GLRA3: variants seen among roughly 807,000 people sequenced by gnomAD.
GLRA3 encodes glycine receptor subunit alpha-3.
In GLRA3, 44 loss-of-function variants were observed where a neutral mutation model predicts 60.4. The ratio of observed to expected loss-of-function variants is 0.73; its 90% CI spans 0.57 to 0.94. The LOEUF (loss-of-function observed/expected upper bound fraction) is 0.94. Ranked by LOEUF, GLRA3 falls within the 40% of genes least tolerant of loss-of-function variation. GLRA3 has a pLI of 0.00. For synonymous variants in GLRA3, 223 were observed against 192.9 expected (o/e 1.16, Z -1.29); for missense variants, 508 against 564.6 (o/e 0.90, Z 1.02).
chr4:174,693,511 G>T (rs977930534), intron 5 of GLRA3, among the ~76,000 whole-genome samples: 2 of 151,998 alleles, frequency 1.3e-5, no homozygotes, highest in African/African-American at 4.8e-5. Flanking sequence ...TGTTCAGTTG[G>T]TCTATATGTC....
chr4:174,789,328 T>A (rs2111304968), intron 1 of GLRA3, among the ~76,000 whole-genome samples: 1 of 152,244 alleles, frequency 6.6e-6, no homozygotes, highest in East Asian at 1.9e-4. Context: ...TACAATCTTA[T>A]TGCTTTTATT....
At chr4:174,701,975 A>C (rs1368426328) in intron 5 of GLRA3, among the ~76,000 whole-genome samples, 5 of 152,214 alleles carry the variant, frequency 3.3e-5, no homozygotes, top group Non-Finnish European at 7.3e-5. Flanking sequence ...AATGACAACA[A>C]AGGATTTAGA....
At chr4:174,753,956 G>A (rs1737584272) in intron 3 of GLRA3, among the ~76,000 whole-genome samples, 1 of 147,770 alleles carries the variant, frequency 6.8e-6, no homozygotes, top group African/African-American at 2.4e-5. Context: ...TCTCTCTCAG[G>A]ATACAGATTT....
At chr4:174,824,746 G>T (rs774556407) in intron 1 of GLRA3, among the ~76,000 whole-genome samples, 2 of 152,090 alleles carry the variant, frequency 1.3e-5, no homozygotes, top group Admixed American at 1.3e-4. Flanking sequence ...AAGGTTTCTT[G>T]ATAGTTGCGC....
intron 3 of GLRA3, among the ~76,000 whole-genome samples, chr4:174,737,284 CTATT>C: frequency 6.6e-6 from 1 of 152,132 alleles, no homozygotes; most frequent in South Asian, 2.1e-4. Context: ...AAAATTTCAT[CTATT>C]TAAAGGTTCA....
chr4:174,701,366 G>A (rs1410616662), intron 5 of GLRA3, among the ~76,000 whole-genome samples: 1 of 152,110 alleles, frequency 6.6e-6, no homozygotes, highest in African/African-American at 2.4e-5. Flanking sequence ...GAGACCTATT[G>A]CTCAGAATAA....
In GLRA3 at chr4:174,637,456, A is replaced by G. The variant is rs1047041381; in HGVS notation, c.*6330T>C. On this transcript the variant is annotated 3_prime_UTR_variant, in exon 10 of 10. Coordinates refer to ENST00000274093, the MANE Select transcript of GLRA3 (RefSeq NM_006529.4). ...TGACCATTGAATAATTCATAGAGAA[A>G]AAAGTGAAGAAGTGCAAAATTATTC... 1 of 152,238 alleles carries G rather than the reference A, an allele frequency of 6.6e-6. No individual in the cohort carries two copies. Among genetic ancestry groups the G allele is most frequent in the African/African-American group, 2.4e-5 (1 of 41,478 alleles). The allele number at this position is 152,238 out of a possible 1,614,324, so 9.4% of individuals were successfully genotyped here.
chr4:174,754,430 A>G (rs1248611156), intron 3 of GLRA3, among the ~76,000 whole-genome samples: 1 of 152,164 alleles, frequency 6.6e-6, no homozygotes, highest in Non-Finnish European at 1.5e-5. Flanking sequence ...GAAAAAAAAG[A>G]GAAGGAGGAT....
At chr4:174,682,767 A>G (rs751124369) in intron 6 of GLRA3, 35 bp downstream of exon 6, 1 of 1,474,690 alleles carries the variant, frequency 6.8e-7, no homozygotes. Context: ...TAAAACCACA[A>G]GTAGTAAGTG....
chr4:174,682,322 A>ATATTATAT (rs1241273250), intron 6 of GLRA3, among the ~76,000 whole-genome samples: 3 of 152,196 alleles, frequency 2.0e-5, no homozygotes, highest in Non-Finnish European at 4.4e-5. Flanking sequence ...TATTTATCTC[A>ATATTATAT]AGTGTCTTAG....
intron 9 of GLRA3, 113 bp from the exon 10 acceptor site, chr4:174,644,177 A>C (rs1180311176): frequency 7.4e-6 from 5 of 676,726 alleles, no homozygotes; most frequent in Non-Finnish European, 1.3e-5. Context: ...TAATATAAGG[A>C]AAAGATAACC....
chr4:174,671,018 T>C (rs544119971), intron 7 of GLRA3, among the ~76,000 whole-genome samples: 16 of 152,220 alleles, frequency 1.1e-4, no homozygotes, highest in African/African-American at 3.8e-4. Context: ...TCCCCTTTTT[T>C]CTAAATTAAT....
At chr4:174,823,794 G>A (rs995124309) in intron 1 of GLRA3, among the ~76,000 whole-genome samples, 2 of 152,072 alleles carry the variant, frequency 1.3e-5, no homozygotes, top group Non-Finnish European at 2.9e-5. Context: ...CTAATGTTAA[G>A]GTCCTCTTGA....
At chr4:174,708,682 C>T (rs138413739) in intron 5 of GLRA3, among the ~76,000 whole-genome samples, 47 of 148,746 alleles carry the variant, frequency 3.2e-4, no homozygotes, top group African/African-American at 1.0e-3. Context: ...ATATGAACTA[C>T]AGAATTAGAC....
At chr4:174,797,563 T>A (rs185340444) in intron 1 of GLRA3, among the ~76,000 whole-genome samples, 15 of 152,274 alleles carry the variant, frequency 9.9e-5, no homozygotes, top group Non-Finnish European at 4.4e-5. Flanking sequence ...AAACTTTAAT[T>A]TCATAAATGT....
chr4:174,682,281 C>T (rs953393559), intron 6 of GLRA3, among the ~76,000 whole-genome samples: 2 of 152,082 alleles, frequency 1.3e-5, no homozygotes, highest in African/African-American at 4.8e-5. Flanking sequence ...CATTGAGTCT[C>T]TCAATTCTTA....
chr4:174,655,476 G>T (rs1733162127), intron 9 of GLRA3, among the ~76,000 whole-genome samples: 2 of 151,872 alleles, frequency 1.3e-5, no homozygotes, highest in African/African-American at 4.8e-5. Context: ...TTTTTCATTA[G>T]AGTTTTCATA....
rs553306775 is a variant in GLRA3 at position 174,689,756 on chromosome 4, T to TAAAAA, written c.575-6822_575-6818dup. Among the ~76,000 whole-genome samples the TAAAAA allele has an allele frequency of 1.4e-3, 55 of 39,528 alleles. 10 individuals carry two copies. The highest frequency in any genetic ancestry group is 1.7e-3 in the African/African-American group (16 of 9,360). The allele number at this position is 39,528 out of a possible 152,430, so 25.9% of individuals were successfully genotyped here. A position where few individuals can be genotyped will look rare whatever the true frequency, so the allele number is the denominator to read the frequency against. On this transcript the variant is annotated intron_variant, in intron 5 of 9. Transcript: ENST00000274093. The stretch of plus-strand genomic sequence containing the variant: ...AAAGGCACAGAGTGGTAAGTCGCAT[T>TAAAAA]AAAAAAAAAAAAAAAAAAAAAAAAA...
chr4:174,652,625 A>G (rs781266373), intron 9 of GLRA3, among the ~76,000 whole-genome samples: 11 of 152,156 alleles, frequency 7.2e-5, no homozygotes, highest in Non-Finnish European at 1.0e-4. Flanking sequence ...ATACTGTGAG[A>G]CTTTGTATGT....
Sources: gnomAD v4.1 joint callset for allele counts (sites outside exome capture counted in the v4.1 genomes callset) on GRCh38, gnomAD v4.1.1 for gene constraint, MANE v1.5 for transcripts, NCBI Gene and HGNC (gene_info 2026-07-23, HGNC 2026-07-21) for gene names.